Variants in DNAI2 observed in about 807,000 individuals in gnomAD.
DNAI2 encodes the protein dynein axonemal intermediate chain 2, also known as dynein, axonemal, intermediate polypeptide 2.
In DNAI2, 63 loss-of-function variants were observed where a neutral mutation model predicts 74.7. That is an observed-to-expected ratio of 0.84 (90% CI 0.69 to 1.04). The LOEUF (loss-of-function observed/expected upper bound fraction) is 1.04, where lower values mean the gene tolerates loss of function less well. Among genes scored for constraint, DNAI2 ranks in the 50% least tolerant of loss-of-function variants. DNAI2 has a pLI of 0.00. For missense variants in DNAI2, 688 were observed against 803.2 expected (o/e 0.86, Z 1.73); for synonymous variants, 289 against 314.9 (o/e 0.92, Z 0.87).
At chr17:74,289,870 G>A (rs1035835692) in intron 5 of DNAI2, 134 bp downstream of exon 5, 39 of 1,052,102 alleles carry the variant, frequency 3.7e-5, no homozygotes, top group South Asian at 3.7e-4. Context: ...GCCCGCAGTC[G>A]AGGAGGAACA....
At chr17:74,276,758 T>C (rs1166641119) in intron 1 of DNAI2, among the ~76,000 whole-genome samples, 1 of 152,232 alleles carries the variant, frequency 6.6e-6, no homozygotes, top group Non-Finnish European at 1.5e-5. Flanking sequence ...CTAAAGAGGC[T>C]ATTTCTGTCT....
chr17:74,279,631 G>A (rs2051283720), intron 1 of DNAI2, among the ~76,000 whole-genome samples: 1 of 152,136 alleles, frequency 6.6e-6, no homozygotes. Context: ...AGGTTTAAGC[G>A]ATTCTCCTAC....
intron 11 of DNAI2, 51 bp downstream of exon 11, chr17:74,310,214 C>G (rs1485362733): frequency 6.3e-7 from 1 of 1,597,848 alleles, no homozygotes; most frequent in Admixed American, 1.7e-5. Context: ...CCGACCTGGC[C>G]CCACAGCAGA....
At chr17:74,295,227 T>C (rs2052359025) in intron 6 of DNAI2, among the ~76,000 whole-genome samples, 1 of 50,812 alleles carries the variant, frequency 2.0e-5, no homozygotes. Context: ...AAACCCCATC[T>C]CTACTTAAAA....
intron 6 of DNAI2, among the ~76,000 whole-genome samples, chr17:74,299,310 C>T (rs191804375): frequency 3.9e-5 from 6 of 152,264 alleles, no homozygotes; most frequent in Admixed American, 1.3e-4. Context: ...CTTTTCCCTA[C>T]GTTAGGGACT....
rs1363135247 is a variant in DNAI2, at chr17:74,305,422, A to G, written c.1191A>G (p.Glu397=). Residue 397 remains glutamate, a synonymous_variant, in exon 9 of 14, where the codon GAA becomes GAG. Coordinates refer to ENST00000311014, the MANE Select transcript of DNAI2 (RefSeq NM_023036.6). ...TARIWSEDSR[E]SSIMWTKYHM... is the part of the protein sequence containing the mutation. ...GCATTTGGTCTGAAGACAGCCGGGAATCGTCCATCATGTGGACCAAGTAAG... is the reference window on the plus strand; with the variant it reads ...GCATTTGGTCTGAAGACAGCCGGGAGTCGTCCATCATGTGGACCAAGTAAG... 1 of 1,614,056 alleles carries G rather than the reference A, an allele frequency of 6.2e-7. No homozygotes were observed.
chr17:74,278,557 A>C (rs148885398), intron 1 of DNAI2, among the ~76,000 whole-genome samples: 5 of 152,338 alleles, frequency 3.3e-5, no homozygotes, highest in Non-Finnish European at 7.3e-5. Context: ...TTCTGGATGC[A>C]AGTTCTTTAT....
In DNAI2 at chr17:74,310,173, G is replaced by C. The variant is rs750207891; in HGVS notation, c.1494+10G>C. On this transcript the variant is annotated intron_variant, in intron 11 of 13. Coordinates refer to ENST00000311014, the MANE Select transcript of DNAI2 (RefSeq NM_023036.6). Reference sequence around the variant, plus strand: ...GAACGTAGCCTCTTCCGTAAGCACCGGGTGCCTGGGGAAAATCCCTCCAGC... The same window carrying C: ...GAACGTAGCCTCTTCCGTAAGCACCCGGTGCCTGGGGAAAATCCCTCCAGC... The C allele has an allele frequency of 1.2e-6, 2 of 1,612,774 alleles. No homozygotes were observed. Among genetic ancestry groups the C allele is most frequent in the Non-Finnish European group, 1.7e-6 (2 of 1,179,932 alleles).
chr17:74,290,589 C>T (rs912973833), intron 5 of DNAI2, among the ~76,000 whole-genome samples: 6 of 152,186 alleles, frequency 3.9e-5, no homozygotes, highest in African/African-American at 1.4e-4. Flanking sequence ...AGAGAGCTAA[C>T]GCCCGACATT....
chr17:74,294,603 A>G (rs1169174018), intron 6 of DNAI2, among the ~76,000 whole-genome samples: 1 of 152,208 alleles, frequency 6.6e-6, no homozygotes, highest in African/African-American at 2.4e-5. Context: ...GGCGTGAGCC[A>G]CCACACTCAA....
chr17:74,307,514 A>G (rs1412855513), intron 9 of DNAI2, among the ~76,000 whole-genome samples: 1 of 151,124 alleles, frequency 6.6e-6, no homozygotes, highest in Non-Finnish European at 1.5e-5. Context: ...ATAAAAATAC[A>G]AAAAATCAGC....
intron 6 of DNAI2, among the ~76,000 whole-genome samples, chr17:74,294,326 T>TA (rs1256208659): frequency 6.6e-6 from 1 of 151,628 alleles, no homozygotes; most frequent in African/African-American, 2.4e-5. Flanking sequence ...CTTTTTTTTT[T>TA]AGAGACAAGG....
intron 8 of DNAI2, among the ~76,000 whole-genome samples, chr17:74,303,936 G>T (rs2053015113): frequency 6.6e-6 from 1 of 151,910 alleles, no homozygotes; most frequent in Admixed American, 6.6e-5. Flanking sequence ...GACCAGTCTG[G>T]ACAACATAGG....
intron 6 of DNAI2, 105 bp from the exon 7 acceptor site, chr17:74,299,613 T>A: frequency 6.7e-7 from 1 of 1,491,664 alleles, no homozygotes; most frequent in Non-Finnish European, 9.2e-7. Context: ...GAAAACCACA[T>A]ACCTGCCAAA....
intron 8 of DNAI2, among the ~76,000 whole-genome samples, chr17:74,302,900 T>C (rs927328855): frequency 3.3e-5 from 5 of 152,152 alleles, no homozygotes; most frequent in Non-Finnish European, 5.9e-5. Flanking sequence ...AGGAGACAAT[T>C]CCACTGACCC....
chr17:74,291,272 T>G, intron 6 of DNAI2, 139 bp downstream of exon 6: 1 of 672,846 alleles, frequency 1.5e-6, no homozygotes, highest in South Asian at 1.7e-5. Flanking sequence ...GTGATTCTCC[T>G]GCCTCAGCCT....
At chr17:74,295,087 T>G (rs2052351209) in intron 6 of DNAI2, among the ~76,000 whole-genome samples, 2 of 152,272 alleles carry the variant, frequency 1.3e-5, no homozygotes, top group East Asian at 1.9e-4. Context: ...TATTTTGTTC[T>G]TTCTTTTAAA....
At chr17:74,285,474 C>G (rs1343704382) in intron 3 of DNAI2, among the ~76,000 whole-genome samples, 1 of 152,098 alleles carries the variant, frequency 6.6e-6, no homozygotes, top group Non-Finnish European at 1.5e-5. Context: ...GTGCCCCACC[C>G]AGCAGCCAAT....
chr17:74,296,296 G>GA (rs1036778446), intron 6 of DNAI2, among the ~76,000 whole-genome samples: 1 of 146,348 alleles, frequency 6.8e-6, no homozygotes, highest in African/African-American at 2.5e-5. Context: ...GCAGCATAGT[G>GA]AGATCTTGCC....
Sources: allele counts gnomAD v4.1 joint callset (sites outside exome capture counted in the v4.1 genomes callset), GRCh38; gene constraint gnomAD v4.1.1; transcripts MANE v1.5; gene names NCBI Gene and HGNC (gene_info 2026-07-23, HGNC 2026-07-21).